The following DMD variants were observed in gnomAD, a reference collection of about 807,000 sequenced individuals.
DMD encodes dystrophin.
DMD carries 63 observed loss-of-function variants against 330.1 expected under a neutral mutation model. The observed-to-expected ratio is 0.19, with a 90% CI of 0.16 to 0.24. DMD has a LOEUF of 0.24. Ranked by LOEUF, DMD falls within the 10% of genes least tolerant of loss-of-function variation. The pLI is 1.00. For missense variants in DMD, 3,344 were observed against 2,684.1 expected, an observed-to-expected ratio of 1.25 and a Z score of -5.43; for synonymous variants, 1,223 against 959.8, an observed-to-expected ratio of 1.27 and a Z score of -5.07.
Position 32,870,975 on chromosome X carries a change from A to AG in DMD, c.94-21156_94-21155insC, listed in dbSNP as rs1569537083. Among the ~76,000 whole-genome samples, 780 of 79,406 alleles carry AG rather than the reference A, an allele frequency of 9.8e-3. 44 individuals carry two copies. Among genetic ancestry groups the AG allele is most frequent in the African/African-American group, 0.033 (730 of 22,102 alleles). 69.0% of individuals were successfully genotyped at this position (79,406 alleles called of 115,157 possible). The stretch of plus-strand genomic sequence containing the variant: ...CTGTACAGCAAAAAAAAAAAAAAAA[A>AG]AAAAAAAAAAAAACCACAAAACCCA... On this transcript the variant is annotated intron_variant, in intron 2 of 78. Transcript: ENST00000357033.
At chrX:31,373,210 G>C (rs1200620868) in intron 60 of DMD, among the ~76,000 whole-genome samples, 3 of 106,163 alleles carry the variant, frequency 2.8e-5, no homozygotes, top group African/African-American at 7.0e-5. Flanking sequence ...CTCATGGGTA[G>C]GAAGAATCAA....
In DMD at chrX:31,911,951, A is replaced by T. The variant is rs113243092; in HGVS notation, c.6912+17645T>A. On this transcript the variant is annotated intron_variant, in intron 47 of 78. Transcript: ENST00000357033. ...GCAGAGCGAAAATAAAAGTATCGTC[A>T]TTTTGAAGTGCCATCTTCTCTTATT... 7.4e-3 allele frequency among the ~76,000 whole-genome samples: 825 copies of T among 111,937 alleles called. 6 individuals are homozygous for T. The highest frequency in any genetic ancestry group is 0.025 in the African/African-American group (772 of 30,807).
chrX:31,623,104 C>G (rs2078647687), intron 55 of DMD, among the ~76,000 whole-genome samples: 1 of 109,532 alleles, frequency 9.1e-6, no homozygotes, highest in East Asian at 2.8e-4. Flanking sequence ...AATTAGGGAT[C>G]CTTAAATTGC....
intron 1 of DMD, among the ~76,000 whole-genome samples, chrX:33,149,948 C>T (rs2048200127): frequency 1.8e-5 from 2 of 111,517 alleles, no homozygotes; most frequent in African/African-American, 3.3e-5. Context: ...AATAGATAAC[C>T]GGAACATAGC....
chrX:32,523,932 C>CTTTTTTTTTTTTT (rs57254581), intron 17 of DMD, among the ~76,000 whole-genome samples: 1 of 87,449 alleles, frequency 1.1e-5, no homozygotes, highest in African/African-American at 4.5e-5. Context: ...CAAAAGAAAT[C>CTTTTTTTTTTTTT]TTTTTTTTTT....
At chrX:31,699,146 TA>T (rs1225833851) in intron 52 of DMD, among the ~76,000 whole-genome samples, 6 of 111,789 alleles carry the variant, frequency 5.4e-5, no homozygotes, top group African/African-American at 9.7e-5. Context: ...AGCTCTCAAT[TA>T]TAGGGGCGTA....
intron 1 of DMD, among the ~76,000 whole-genome samples, chrX:33,244,050 C>T (rs1031251468): frequency 1.8e-5 from 2 of 111,969 alleles, no homozygotes; most frequent in East Asian, 2.8e-4. Context: ...ATTATGTCAT[C>T]GGCACACAGG....
chrX:32,622,809 A>G (rs2058086031), intron 11 of DMD, among the ~76,000 whole-genome samples: 1 of 111,714 alleles, frequency 9.0e-6, no homozygotes, highest in Non-Finnish European at 1.9e-5. Flanking sequence ...AAATATGGAT[A>G]CAGCCCACCT....
chrX:32,929,360 C>A (rs938212074), intron 2 of DMD, among the ~76,000 whole-genome samples: 1 of 110,488 alleles, frequency 9.1e-6, no homozygotes, highest in African/African-American at 3.3e-5. Context: ...TTCCGTTCTA[C>A]GTTTTTTGAT....
chrX:31,691,294 A>T (rs1384497233), intron 52 of DMD, among the ~76,000 whole-genome samples: 1 of 111,420 alleles, frequency 9.0e-6, no homozygotes, highest in African/African-American at 3.3e-5. Context: ...AATGATAAAA[A>T]CAAAAGACCC....
At chrX:32,531,417 A>G (rs2047466708) in intron 17 of DMD, among the ~76,000 whole-genome samples, 1 of 111,846 alleles carries the variant, frequency 8.9e-6, no homozygotes, top group Admixed American at 9.5e-5. Context: ...TACTCTAAAA[A>G]TCTGCTTAAA....
At chrX:32,971,784 C>T (rs965728582) in intron 2 of DMD, among the ~76,000 whole-genome samples, 2 of 110,545 alleles carry the variant, frequency 1.8e-5, no homozygotes, top group Non-Finnish European at 3.8e-5. Context: ...TATGTGTGCA[C>T]ACATCCATAT....
chrX:32,337,900 T>C (rs2097723187), intron 41 of DMD, among the ~76,000 whole-genome samples: 1 of 111,494 alleles, frequency 9.0e-6, no homozygotes, highest in Non-Finnish European at 1.9e-5. Flanking sequence ...GAGAAAACAA[T>C]TTTATACAGC....
At chrX:31,485,433 T>C (rs958227930) in intron 57 of DMD, among the ~76,000 whole-genome samples, 2 of 111,626 alleles carry the variant, frequency 1.8e-5, no homozygotes, top group Non-Finnish European at 3.8e-5. Flanking sequence ...TGACCTCAGG[T>C]GATCCGTTTG....
chrX:32,258,197 C>T (rs900429240), intron 43 of DMD, among the ~76,000 whole-genome samples: 15 of 111,699 alleles, frequency 1.3e-4, no homozygotes, highest in Non-Finnish European at 1.9e-4. Context: ...GAAAAAGGAA[C>T]GCTTTTACAC....
intron 50 of DMD, among the ~76,000 whole-genome samples, chrX:31,793,661 T>C (rs770363687): frequency 2.7e-4 from 30 of 112,180 alleles, no homozygotes; most frequent in African/African-American, 9.4e-4. Context: ...TCTCATGTAA[T>C]TTATTGAATA....
chrX:31,561,230 T>C (rs765784960), intron 55 of DMD, among the ~76,000 whole-genome samples: 22 of 111,956 alleles, frequency 2.0e-4, no homozygotes, highest in Non-Finnish European at 3.8e-5. Flanking sequence ...AGGGCAAAAA[T>C]CCTATCTCCA....
intron 5 of DMD, among the ~76,000 whole-genome samples, chrX:32,822,608 T>C (rs866794836): frequency 3.6e-5 from 4 of 110,130 alleles, no homozygotes; most frequent in Non-Finnish European, 5.7e-5. Context: ...TATATATACA[T>C]ATATAATGTG....
intron 17 of DMD, among the ~76,000 whole-genome samples, chrX:32,524,770 AT>A (rs1228869782): frequency 8.9e-6 from 1 of 112,179 alleles, no homozygotes; most frequent in Non-Finnish European, 1.9e-5. Flanking sequence ...TCCTCATTCA[AT>A]TTTTTGTCTG....
Sources: gnomAD v4.1 joint callset for allele counts (sites outside exome capture counted in the v4.1 genomes callset) on GRCh38, gnomAD v4.1.1 for gene constraint, MANE v1.5 for transcripts, NCBI Gene and HGNC (gene_info 2026-07-23, HGNC 2026-07-21) for gene names.